FAF1: variants seen among roughly 807,000 people sequenced by gnomAD.
FAF1 encodes the protein FAS-associated factor 1.
A neutral mutation model predicts 92.5 loss-of-function variants in FAF1; 25 were observed. The ratio of observed to expected loss-of-function variants is 0.27; its 90% confidence interval spans 0.20 to 0.38. The LOEUF is 0.38. FAF1 is among the 10% of genes least tolerant of loss of function. The pLI is 1.00. For missense variants in FAF1, 636 were observed against 793.3 expected, an observed-to-expected ratio of 0.80 and a Z score of 2.38; for synonymous variants, 234 against 273.2, an observed-to-expected ratio of 0.86 and a Z score of 1.42.
intron 2 of FAF1, among the ~76,000 whole-genome samples, chr1:50,822,780 T>TC (rs1307333728): frequency 1.3e-5 from 2 of 149,584 alleles, no homozygotes; most frequent in Non-Finnish European, 3.0e-5. Flanking sequence ...CTTTCTTTTT[T>TC]TTTTTTTTTT....
At chr1:50,718,394 T>C (rs1205037227) in intron 6 of FAF1, among the ~76,000 whole-genome samples, 1 of 152,292 alleles carries the variant, frequency 6.6e-6, no homozygotes, top group Admixed American at 6.5e-5. Context: ...GCAAATAACA[T>C]TATATGTCCA....
intron 3 of FAF1, among the ~76,000 whole-genome samples, chr1:50,795,684 C>T (rs912397292): frequency 6.6e-6 from 1 of 152,182 alleles, no homozygotes; most frequent in Non-Finnish European, 1.5e-5. Context: ...ACATGCCTAA[C>T]AGCTTACTAA....
intron 1 of FAF1, among the ~76,000 whole-genome samples, chr1:50,938,371 A>G (rs1004013393): frequency 6.6e-6 from 1 of 152,198 alleles, no homozygotes. Context: ...AGGACCAGCT[A>G]TGTATGTCAC....
intron 3 of FAF1, among the ~76,000 whole-genome samples, chr1:50,796,167 C>G (rs1661743116): frequency 6.6e-6 from 1 of 152,042 alleles, no homozygotes; most frequent in Non-Finnish European, 1.5e-5. Context: ...CAACTATGGC[C>G]TTATGACCAG....
At chr1:50,700,497 A>G (rs568924720) in intron 7 of FAF1, among the ~76,000 whole-genome samples, 1 of 152,272 alleles carries the variant, frequency 6.6e-6, no homozygotes, top group East Asian at 1.9e-4. Context: ...TTCAATTAGC[A>G]CTATTACAAC....
chr1:50,643,636 A>C (rs543034998), intron 8 of FAF1, among the ~76,000 whole-genome samples: 225 of 152,312 alleles, frequency 1.5e-3, no homozygotes, highest in African/African-American at 5.2e-3. Flanking sequence ...TCTGTCACCC[A>C]GGCTAGAGTG....
At chr1:50,695,186 T>C (rs545562763) in intron 7 of FAF1, among the ~76,000 whole-genome samples, 63 of 152,088 alleles carry the variant, frequency 4.1e-4, no homozygotes, top group Non-Finnish European at 8.2e-4. Context: ...GGCAGGTGGA[T>C]CACCAGAGGT....
intron 2 of FAF1, among the ~76,000 whole-genome samples, chr1:50,822,648 G>A (rs889639456): frequency 1.3e-5 from 2 of 152,074 alleles, no homozygotes; most frequent in Non-Finnish European, 2.9e-5. Flanking sequence ...GGAGAGGAAA[G>A]GAAGATTGTC....
chr1:50,753,281 T>C (rs1354641266), intron 4 of FAF1, among the ~76,000 whole-genome samples: 1 of 152,246 alleles, frequency 6.6e-6, no homozygotes, highest in East Asian at 1.9e-4. Flanking sequence ...GAATGTATTC[T>C]GGATTCTTTC....
intron 15 of FAF1, among the ~76,000 whole-genome samples, chr1:50,523,167 G>A (rs1026386702): frequency 1.3e-5 from 2 of 152,036 alleles, no homozygotes; most frequent in African/African-American, 4.8e-5. Flanking sequence ...TTAATCTGTT[G>A]ATAGATATTT....
At chr1:50,612,583 G>T in intron 8 of FAF1, 1 of 521,768 alleles carries the variant, frequency 1.9e-6, no homozygotes, top group Non-Finnish European at 2.5e-6. Context: ...GGAACTCTTT[G>T]GATAGCAAAT....
chr1:50,560,401 T>C (rs2149052158), intron 13 of FAF1, among the ~76,000 whole-genome samples: 1 of 152,332 alleles, frequency 6.6e-6, no homozygotes, highest in East Asian at 1.9e-4. Context: ...GGCATTAAGT[T>C]CAAAAGCTAA....
At chr1:50,930,386 GA>G (rs1645038614) in intron 1 of FAF1, among the ~76,000 whole-genome samples, 1 of 152,064 alleles carries the variant, frequency 6.6e-6, no homozygotes, top group South Asian at 2.1e-4. Flanking sequence ...ATGTGTAGTG[GA>G]AAAAAAGCTC....
chr1:50,856,546 C>T (rs1372731637), intron 2 of FAF1, among the ~76,000 whole-genome samples: 1 of 151,604 alleles, frequency 6.6e-6, no homozygotes, highest in Non-Finnish European at 1.5e-5. Context: ...GATAAGGAAG[C>T]ATTGGTTTAA....
At chr1:50,734,942 G>C (rs890778830) in intron 6 of FAF1, among the ~76,000 whole-genome samples, 1 of 152,172 alleles carries the variant, frequency 6.6e-6, no homozygotes, top group Non-Finnish European at 1.5e-5. Context: ...AAGAAAGACT[G>C]CTGAGAAGAG....
intron 2 of FAF1, among the ~76,000 whole-genome samples, chr1:50,813,402 T>G (rs1004534843): frequency 2.6e-5 from 4 of 152,190 alleles, no homozygotes; most frequent in Admixed American, 6.5e-5. Context: ...TTTTTCCTCC[T>G]GCATACACAT....
chr1:50,777,723 G>C (rs188537482), intron 4 of FAF1, among the ~76,000 whole-genome samples: 46 of 150,394 alleles, frequency 3.1e-4, no homozygotes, highest in African/African-American at 1.1e-3. Context: ...AATGAACTTT[G>C]GAACCTGAAT....
At chr1:50,622,988 C>T (rs926674920) in intron 8 of FAF1, among the ~76,000 whole-genome samples, 8 of 152,118 alleles carry the variant, frequency 5.3e-5, no homozygotes, top group African/African-American at 1.9e-4. Context: ...GTGGTAATCC[C>T]ATACTGTACC....
chr1:50,466,315 T>C (rs1266268177), intron 18 of FAF1, among the ~76,000 whole-genome samples: 1 of 152,082 alleles, frequency 6.6e-6, no homozygotes, highest in South Asian at 2.1e-4. Flanking sequence ...TGCCATTTAA[T>C]CAGATAAGGA....
Sources: allele counts gnomAD v4.1 joint callset (sites outside exome capture counted in the v4.1 genomes callset), GRCh38; gene constraint gnomAD v4.1.1; transcripts MANE v1.5; gene names NCBI Gene and HGNC (gene_info 2026-07-23, HGNC 2026-07-21).